The following FAM13B variants were observed in gnomAD, a reference collection of about 807,000 sequenced individuals.
FAM13B encodes the protein family with sequence similarity 13 member B.
In FAM13B, 60 loss-of-function variants were observed where a neutral mutation model predicts 117.3. That is an observed-to-expected ratio of 0.51 (90% CI 0.42 to 0.63). The LOEUF is 0.63. Among genes scored for constraint, FAM13B ranks in the 30% least tolerant of loss-of-function variants. FAM13B has a pLI of 0.00. For synonymous variants in FAM13B, 332 were observed against 356.1 expected, an observed-to-expected ratio of 0.93 and a Z score of 0.76; for missense variants, 972 against 1,091.9, an observed-to-expected ratio of 0.89 and a Z score of 1.55.
At chr5:138,016,884 G>A (rs1317646948) in intron 4 of FAM13B, among the ~76,000 whole-genome samples, 1 of 152,126 alleles carries the variant, frequency 6.6e-6, no homozygotes, top group Non-Finnish European at 1.5e-5. Flanking sequence ...TGGCTCTAGA[G>A]TTATTTTAAA....
At chr5:137,952,836 TTAGA>T (rs2150214820) in intron 16 of FAM13B, 127 bp from the exon 17 acceptor site, 1 of 602,286 alleles carries the variant, frequency 1.7e-6, no homozygotes, top group African/African-American at 1.9e-5. Flanking sequence ...CTTATTTTAA[TTAGA>T]TAGGGCAGGA....
intron 4 of FAM13B, among the ~76,000 whole-genome samples, chr5:138,012,216 C>CTTTTTTT (rs36054299): frequency 2.5e-5 from 3 of 121,756 alleles, no homozygotes; most frequent in Admixed American, 9.5e-5. Context: ...CCCCAATTCT[C>CTTTTTTT]TTTTTTTTTT....
At chr5:138,009,710 C>A (rs1783472531) in intron 6 of FAM13B, among the ~76,000 whole-genome samples, 1 of 145,320 alleles carries the variant, frequency 6.9e-6, no homozygotes, top group Non-Finnish European at 1.5e-5. Context: ...GAGGCTGGGG[C>A]AGGAGAATTG....
At chr5:137,962,502 A>G (rs1430316822) in intron 10 of FAM13B, 33 bp from the exon 11 acceptor site, 1 of 1,584,660 alleles carries the variant, frequency 6.3e-7, no homozygotes, top group African/African-American at 1.3e-5. Flanking sequence ...GTATTAATGG[A>G]GCTCCCAATA....
At chr5:138,027,140 A>G (rs1756054778) in intron 1 of FAM13B, among the ~76,000 whole-genome samples, 1 of 152,112 alleles carries the variant, frequency 6.6e-6, no homozygotes, top group South Asian at 2.1e-4. Context: ...AGATGTGCCA[A>G]GAAAAAGTGC....
intron 17 of FAM13B, among the ~76,000 whole-genome samples, chr5:137,949,653 G>A (rs908865222): frequency 2.0e-5 from 3 of 152,098 alleles, no homozygotes; most frequent in Non-Finnish European, 2.9e-5. Flanking sequence ...GGTGTCATGT[G>A]CCTGTACCTG....
At chr5:138,011,344 T>TA (rs1320902110) in intron 5 of FAM13B, among the ~76,000 whole-genome samples, 195 bp from the exon 6 acceptor site, 5 of 152,130 alleles carry the variant, frequency 3.3e-5, no homozygotes, top group African/African-American at 1.2e-4. Flanking sequence ...ATATCTACTA[T>TA]AAAAAATAAT....
chr5:138,000,789 G>C (rs761541828), intron 7 of FAM13B, among the ~76,000 whole-genome samples: 10 of 152,012 alleles, frequency 6.6e-5, no homozygotes, highest in Non-Finnish European at 1.3e-4. Context: ...AAATTAGTCA[G>C]GTGTGGTGGC....
Position 137,975,185 on chromosome 5 carries a change from G to A in FAM13B, c.1179+10072C>T, listed in dbSNP as rs150561716. ...TTTCTACGAAAGCCACTTGAATCAC[G>A]CCATGCCATAATACACTTGAAACTC... is the stretch of plus-strand genomic sequence containing the variant. On this transcript the variant is annotated intron_variant, in intron 10 of 23. Coordinates refer to ENST00000689681, the MANE Select transcript of FAM13B (RefSeq NM_001385994.1). 6.7e-4 allele frequency among the ~76,000 whole-genome samples: 102 copies of A among 152,098 alleles called. 1 individual carries two copies. Among genetic ancestry groups the A allele is most frequent in the African/African-American group, 2.3e-3 (95 of 41,476 alleles).
intron 7 of FAM13B, among the ~76,000 whole-genome samples, chr5:137,995,262 T>C (rs1214035666): frequency 6.6e-6 from 1 of 152,214 alleles, no homozygotes; most frequent in Non-Finnish European, 1.5e-5. Context: ...ACAATTTTTT[T>C]CCTCATTACT....
intron 7 of FAM13B, among the ~76,000 whole-genome samples, chr5:137,997,862 G>T (rs1458527919): frequency 6.6e-6 from 1 of 152,194 alleles, no homozygotes; most frequent in Non-Finnish European, 1.5e-5. Context: ...TTTTCACTGT[G>T]CTGACATTTG....
In FAM13B at chr5:137,953,408, A is replaced by G; in HGVS notation, c.1776T>C (p.Tyr592=). Residue 592 remains tyrosine (Y), a synonymous_variant, in exon 16 of 24, where the codon TAT becomes TAC. Coordinates refer to ENST00000689681, the MANE Select transcript of FAM13B (RefSeq NM_001385994.1). ...TCTTCTGAAGTTTCTTGACCAGCTG[A>G]TAAGGTGTTCTGTCCTCTCTCTTTT... ...KDEKREDRTP[Y]QLVKKLQKKI... 1 of 1,613,874 alleles carries G rather than the reference A, an allele frequency of 6.2e-7. No homozygotes were observed. The highest frequency in any genetic ancestry group is 8.5e-7 in the Non-Finnish European group (1 of 1,179,840).
chr5:138,045,438 T>C (rs894721044), intron 1 of FAM13B, among the ~76,000 whole-genome samples: 3 of 146,378 alleles, frequency 2.0e-5, no homozygotes, highest in Non-Finnish European at 4.5e-5. Context: ...GGAGGCTGAG[T>C]GGGAGGATGG....
At chr5:138,014,299 G>A (rs2150931664) in intron 4 of FAM13B, among the ~76,000 whole-genome samples, 1 of 152,300 alleles carries the variant, frequency 6.6e-6, no homozygotes, top group South Asian at 2.1e-4. Context: ...TGGAGCAAGG[G>A]TCCCCAGCCG....
At chr5:138,007,427 A>G (rs189660558) in intron 6 of FAM13B, among the ~76,000 whole-genome samples, 15 of 152,322 alleles carry the variant, frequency 9.8e-5, no homozygotes, top group Middle Eastern at 6.8e-3. Flanking sequence ...GAATATAAGT[A>G]AGCCTGTAAG....
At chr5:138,008,880 T>C (rs940963514) in intron 6 of FAM13B, among the ~76,000 whole-genome samples, 5 of 152,218 alleles carry the variant, frequency 3.3e-5, no homozygotes, top group Non-Finnish European at 5.9e-5. Context: ...CGGTGGCCCA[T>C]GCCTTTAATC....
At chr5:138,001,429 T>A (rs1406464400) in intron 7 of FAM13B, among the ~76,000 whole-genome samples, 5 of 152,212 alleles carry the variant, frequency 3.3e-5, no homozygotes, top group Admixed American at 3.3e-4. Context: ...TTATATTTCT[T>A]CTGTCTCAGA....
chr5:138,010,368 G>A (rs1783670992), intron 6 of FAM13B, among the ~76,000 whole-genome samples: 1 of 152,198 alleles, frequency 6.6e-6, no homozygotes, highest in African/African-American at 2.4e-5. Context: ...CACTTTGGAA[G>A]GCCAAGGCAG....
Position 137,988,271 on chromosome 5 carries a change from T to C in FAM13B, c.890+3A>G. 2.6e-6 allele frequency: 4 copies of C among 1,544,892 alleles called. No homozygotes were observed. The highest frequency in any genetic ancestry group is 3.5e-6 in the Non-Finnish European group (4 of 1,156,418). ...ATTTGTCTTCTATAAATATACTACT[T>C]ACTCTGTAGAGGCTGGTAGGATGCT... On this transcript the variant is annotated splice_donor_region_variant and intron_variant, in intron 8 of 23. Coordinates refer to ENST00000689681, the MANE Select transcript of FAM13B (RefSeq NM_001385994.1).
Sources: allele counts gnomAD v4.1 joint callset (sites outside exome capture counted in the v4.1 genomes callset), GRCh38; gene constraint gnomAD v4.1.1; transcripts MANE v1.5; gene names NCBI Gene and HGNC (gene_info 2026-07-23, HGNC 2026-07-21).